Variants in ASIP observed in about 807,000 individuals in gnomAD.
The protein encoded by ASIP is agouti signaling protein.
A neutral mutation model predicts 10.3 loss-of-function variants in ASIP; 11 were observed. The ratio of observed to expected loss-of-function variants is 1.07; its 90% CI spans 0.68 to 1.78. The LOEUF is 1.78. ASIP is among the 40% of genes most tolerant of loss of function. The pLI is 0.00. For missense variants in ASIP, 180 were observed against 169.2 expected (o/e 1.06, Z -0.35); for synonymous variants, 70 against 70.8 (o/e 0.99, Z 0.06).
chr20:34,210,604 A>T (rs1187696120), intron 1 of ASIP, among the ~76,000 whole-genome samples: 3 of 152,246 alleles, frequency 2.0e-5, no homozygotes, highest in Admixed American at 6.5e-5. Context: ...ACAACCTGCC[A>T]GGCTGAGTGG....
intron 2 of ASIP, among the ~76,000 whole-genome samples, chr20:34,261,366 G>A (rs2035687516): frequency 6.6e-6 from 1 of 152,184 alleles, no homozygotes; most frequent in Non-Finnish European, 1.5e-5. Context: ...AAGGCACGTG[G>A]CATGCACCTG....
chr20:34,251,832 G>GA (rs2035481709), intron 1 of ASIP, among the ~76,000 whole-genome samples: 1 of 152,106 alleles, frequency 6.6e-6, no homozygotes, highest in African/African-American at 2.4e-5. Context: ...AGATTAGAGA[G>GA]ATGATGGCTG....
intron 1 of ASIP, among the ~76,000 whole-genome samples, chr20:34,216,323 T>C (rs1361650428): frequency 6.6e-6 from 1 of 152,202 alleles, no homozygotes; most frequent in East Asian, 1.9e-4. Context: ...GGGCGGGCGC[T>C]GGCGCCAGCA....
intron 1 of ASIP, chr20:34,215,914 T>C: frequency 2.3e-6 from 2 of 863,274 alleles, no homozygotes; most frequent in East Asian, 4.8e-5. Context: ...TACTTGGAGT[T>C]TTCTGGTTAT....
chr20:34,252,677 C>G (rs1414419665), intron 1 of ASIP, among the ~76,000 whole-genome samples: 1 of 152,158 alleles, frequency 6.6e-6, no homozygotes, highest in Non-Finnish European at 1.5e-5. Flanking sequence ...CACTACTCCC[C>G]CTCAGCACAG....
intron 3 of ASIP, among the ~76,000 whole-genome samples, chr20:34,268,066 G>A (rs545038772): frequency 3.9e-4 from 59 of 152,214 alleles, no homozygotes; most frequent in Admixed American, 3.5e-3. Flanking sequence ...TGTTTAAGAG[G>A]AAGAATATTT....
chr20:34,250,066 G>A (rs1488822618), intron 1 of ASIP: 1 of 152,320 alleles, frequency 6.6e-6, no homozygotes, highest in Non-Finnish European at 1.5e-5. Flanking sequence ...TTCTTGATCT[G>A]TGTTCACTGT....
upstream of ASIP, among the ~76,000 whole-genome samples, chr20:34,192,248 C>T (rs2034828528): frequency 6.6e-6 from 1 of 152,222 alleles, no homozygotes; most frequent in South Asian, 2.1e-4. Flanking sequence ...GTTGGCTGGT[C>T]TCAAGCCCCC....
intron 2 of ASIP, among the ~76,000 whole-genome samples, chr20:34,262,226 A>G (rs549492017): frequency 6.6e-6 from 1 of 152,350 alleles, no homozygotes; most frequent in African/African-American, 2.4e-5. Context: ...TTTTCACTTT[A>G]TAAACAGACT....
intron 1 of ASIP, among the ~76,000 whole-genome samples, chr20:34,253,447 TTTTATTTATTTATTTATTTA>T (rs36107431): frequency 9.6e-6 from 1 of 103,764 alleles, no homozygotes. Flanking sequence ...TTTTATTTTA[TTTTATTTATTTATTTATTTA>T]TTTATTTATT....
intron 1 of ASIP, among the ~76,000 whole-genome samples, chr20:34,195,230 T>A (rs760146690): frequency 1.3e-5 from 2 of 151,310 alleles, no homozygotes; most frequent in Non-Finnish European, 2.9e-5. Flanking sequence ...CTGCTCCTCA[T>A]GGAAGGAGCA....
At chr20:34,248,764 C>T (rs1187701942) in intron 1 of ASIP, among the ~76,000 whole-genome samples, 1 of 151,920 alleles carries the variant, frequency 6.6e-6, no homozygotes. Flanking sequence ...CTTGCCATTG[C>T]CTTCCAGCCT....
chr20:34,232,752 C>A (rs925488920), intron 1 of ASIP, among the ~76,000 whole-genome samples: 1 of 152,168 alleles, frequency 6.6e-6, no homozygotes, highest in South Asian at 2.1e-4. Context: ...GTATGTCCAC[C>A]TTTGACAGCA....
At chr20:34,246,634 T>A in intron 1 of ASIP, 2 of 594,310 alleles carry the variant, frequency 3.4e-6, no homozygotes, top group East Asian at 6.6e-5. Flanking sequence ...TTTTTTGTAT[T>A]TTTGGTAGAG....
intron 1 of ASIP, among the ~76,000 whole-genome samples, chr20:34,210,882 G>A (rs1245927028): frequency 6.6e-6 from 1 of 152,022 alleles, no homozygotes; most frequent in Non-Finnish European, 1.5e-5. Context: ...ACTTAATCTT[G>A]TATTCCTGGA....
intron 1 of ASIP, among the ~76,000 whole-genome samples, chr20:34,216,968 G>A (rs1267465606): frequency 6.6e-6 from 1 of 152,116 alleles, no homozygotes; most frequent in African/African-American, 2.4e-5. Context: ...TCTATATGAT[G>A]TTATCTCTCT....
chr20:34,242,034 T>G (rs922836665), intron 1 of ASIP, among the ~76,000 whole-genome samples: 40 of 152,180 alleles, frequency 2.6e-4, no homozygotes, highest in African/African-American at 9.4e-4. Context: ...CACATTTTAA[T>G]GCCCATTAAA....
chr20:34,214,076 CATAA>C (rs2034992041), intron 1 of ASIP: 2 of 1,240,450 alleles, frequency 1.6e-6, no homozygotes, highest in Admixed American at 1.7e-5. Flanking sequence ...CCAACTGTCT[CATAA>C]ATAAAATTTG....
At chr20:34,254,016 A>ATT (rs2035528052) in intron 1 of ASIP, among the ~76,000 whole-genome samples, 2 of 152,304 alleles carry the variant, frequency 1.3e-5, no homozygotes, top group East Asian at 3.9e-4. Flanking sequence ...CCAGTTACAC[A>ATT]GCTACTCATT....
Sources: allele counts gnomAD v4.1 joint callset (sites outside exome capture counted in the v4.1 genomes callset), GRCh38; gene constraint gnomAD v4.1.1; transcripts MANE v1.5; gene names NCBI Gene and HGNC (gene_info 2026-07-23, HGNC 2026-07-21).